The following COLGALT2 variants were observed in gnomAD, a reference collection of about 807,000 sequenced individuals.
COLGALT2 encodes the protein procollagen galactosyltransferase 2.
In COLGALT2, 49 loss-of-function variants were observed where a neutral mutation model predicts 73.4. That is an observed-to-expected ratio of 0.67 (90% CI 0.53 to 0.85). COLGALT2 has a LOEUF of 0.85. COLGALT2 is among the 40% of genes least tolerant of loss of function. COLGALT2 has a pLI of 0.00. For synonymous variants in COLGALT2, 295 were observed against 307.6 expected, an observed-to-expected ratio of 0.96 and a Z score of 0.43; for missense variants, 722 against 790.2, an observed-to-expected ratio of 0.91 and a Z score of 1.03.
chr1:184,024,587 G>A (rs1308902916), intron 1 of COLGALT2, among the ~76,000 whole-genome samples: 1 of 150,638 alleles, frequency 6.6e-6, no homozygotes, highest in African/African-American at 2.4e-5. Flanking sequence ...CTTGACCTTG[G>A]TGTTCTGCCT....
At chr1:183,947,064 A>G (rs910073910) in intron 8 of COLGALT2, among the ~76,000 whole-genome samples, 1 of 152,218 alleles carries the variant, frequency 6.6e-6, no homozygotes, top group Non-Finnish European at 1.5e-5. Context: ...GGAAGGCATA[A>G]CAATTATAAA....
In COLGALT2 at chr1:183,936,910, G is replaced by A; in HGVS notation, c.*1851C>T. The A allele has an allele frequency of 8.1e-7, 1 of 1,231,802 alleles. No homozygotes were observed. The highest frequency in any genetic ancestry group is 1.0e-6 in the Non-Finnish European group (1 of 988,012). The allele number at this position is 1,231,802 out of a possible 1,614,324, so 76.3% of individuals were successfully genotyped here. A position where few individuals can be genotyped will look rare whatever the true frequency, so the allele number is the denominator to read the frequency against. ...GAGGCTGGCGTCTGGTGGAAGGCAA[G>A]CTGCCTCTTGTCCTAAAGTGGGGAC... is the stretch of plus-strand genomic sequence containing the variant. On this transcript the variant is annotated 3_prime_UTR_variant, in exon 12 of 12. Coordinates refer to ENST00000361927, the MANE Select transcript of COLGALT2 (RefSeq NM_015101.4).
chr1:184,037,169 G>C lies in COLGALT2; in HGVS notation c.189C>G (p.Asn63Lys), dbSNP rs768438342. Reference sequence around the variant, plus strand: ...GGAAGTGCGGCAGCGTGTGCGCCGCGTTGCGGGCGAGGACCGCCACGAGCA... The same window carrying C: ...GGAAGTGCGGCAGCGTGTGCGCCGCCTTGCGGGCGAGGACCGCCACGAGCA... ...PTVLVAVLAR[N>K]AAHTLPHFLG... Residue 63 changes from asparagine to lysine, a missense_variant, in exon 1 of 12, where the codon AAC becomes AAG. Transcript: ENST00000361927. 1.2e-6 allele frequency: 2 copies of C among 1,603,698 alleles called. No homozygotes were observed. The highest frequency in any genetic ancestry group is 2.7e-5 in the African/African-American group (2 of 73,956).
chr1:184,004,888 G>A (rs894305430), intron 1 of COLGALT2, among the ~76,000 whole-genome samples: 6 of 152,104 alleles, frequency 3.9e-5, no homozygotes, highest in African/African-American at 1.4e-4. Context: ...TCGAGGGATC[G>A]GTGGTTTGTC....
intron 1 of COLGALT2, among the ~76,000 whole-genome samples, chr1:184,028,270 CT>C (rs1572687187): frequency 6.6e-6 from 1 of 152,332 alleles, no homozygotes. Context: ...CTAGAAAATT[CT>C]ACCTTTCCCA....
At position 183,971,049 on chromosome 1, in the gene COLGALT2, T is replaced by G. The variant is rs572026926; in HGVS notation, c.628-1576A>C. On this transcript the variant is annotated intron_variant, in intron 4 of 11. Coordinates refer to ENST00000361927, the MANE Select transcript of COLGALT2 (RefSeq NM_015101.4). ...GATGAATCACTGAATATCCTTGGGG[T>G]GGGGGTGAGAAGGAAGGAAGCAGGG... Among the ~76,000 whole-genome samples the G allele has an allele frequency of 7.8e-4, 119 of 151,998 alleles. 1 individual carries two copies. Among genetic ancestry groups the G allele is most frequent in the Admixed American group, 3.0e-3 (46 of 15,244 alleles).
chr1:183,994,005 C>T (rs1671700755), intron 1 of COLGALT2, among the ~76,000 whole-genome samples: 1 of 144,190 alleles, frequency 6.9e-6, no homozygotes, highest in African/African-American at 2.6e-5. Flanking sequence ...AAATAAGTCA[C>T]ACTCATTTTC....
chr1:183,995,045 C>T (rs1671734183), intron 1 of COLGALT2, among the ~76,000 whole-genome samples: 1 of 151,950 alleles, frequency 6.6e-6, no homozygotes, highest in African/African-American at 2.4e-5. Context: ...TCCACATTTG[C>T]ATTGTTGTAA....
chr1:184,020,034 G>C (rs1487080129), intron 1 of COLGALT2, among the ~76,000 whole-genome samples: 1 of 152,156 alleles, frequency 6.6e-6, no homozygotes, highest in Non-Finnish European at 1.5e-5. Flanking sequence ...CTGGTTTTTA[G>C]ACTTATTGGA....
intron 1 of COLGALT2, among the ~76,000 whole-genome samples, chr1:183,998,579 T>A (rs150346925): frequency 0.01 from 1,529 of 152,278 alleles, 28 homozygotes; most frequent in African/African-American, 0.035. Context: ...TTCTTTCAAA[T>A]AAATCTTATA....
At chr1:184,018,953 G>T (rs1649091305) in intron 1 of COLGALT2, among the ~76,000 whole-genome samples, 1 of 152,192 alleles carries the variant, frequency 6.6e-6, no homozygotes, top group Non-Finnish European at 1.5e-5. Context: ...AAGCAAACCA[G>T]ATTATAATTC....
At chr1:183,992,564 T>C (rs1224146351) in intron 1 of COLGALT2, among the ~76,000 whole-genome samples, 1 of 152,224 alleles carries the variant, frequency 6.6e-6, no homozygotes, top group Non-Finnish European at 1.5e-5. Context: ...TGGCACCTAA[T>C]GATGATTGAT....
At position 183,964,171 on chromosome 1, in the gene COLGALT2, A is replaced by C. The variant is rs555824654; in HGVS notation, c.833-151T>G. The stretch of plus-strand genomic sequence containing the variant: ...TCAGGTATGTCTATAGACCTAAAAA[A>C]TGCTCCTTTATTAAAAAAGTAAAAC... On this transcript the variant is annotated intron_variant, in intron 5 of 11. Coordinates refer to ENST00000361927, the MANE Select transcript of COLGALT2 (RefSeq NM_015101.4). 6.0e-6 allele frequency: 4 copies of C among 670,908 alleles called. No homozygotes were observed. The East Asian group carries it at 1.3e-4, about 21-fold the overall frequency. The allele number at this position is 670,908 out of a possible 1,614,324, so 41.6% of individuals were successfully genotyped here.
chr1:184,036,138 A>G (rs1572692310), intron 1 of COLGALT2, among the ~76,000 whole-genome samples: 1 of 152,228 alleles, frequency 6.6e-6, no homozygotes, highest in South Asian at 2.1e-4. Flanking sequence ...CCGAGTACCT[A>G]CCTGACAGCA....
downstream of COLGALT2, among the ~76,000 whole-genome samples, chr1:183,930,888 G>T (rs1669831395): frequency 6.6e-6 from 1 of 152,142 alleles, no homozygotes; most frequent in African/African-American, 2.4e-5. Context: ...AAACCCAACA[G>T]ATCAAATAGG....
chr1:183,960,056 T>C (rs1488526583), intron 6 of COLGALT2, among the ~76,000 whole-genome samples: 3 of 152,234 alleles, frequency 2.0e-5, no homozygotes, highest in Admixed American at 1.3e-4. Context: ...CTGCCTGTTT[T>C]GTTCACTGCT....
In COLGALT2 at chr1:183,937,390, C is replaced by A. The variant is rs965813417; in HGVS notation, c.*1371G>T. The A allele has an allele frequency of 7.0e-6, 7 of 995,644 alleles. No homozygotes were observed. The highest frequency in any genetic ancestry group is 7.2e-6 in the Non-Finnish European group (6 of 836,998). The allele number at this position is 995,644 out of a possible 1,614,324, so 61.7% of individuals were successfully genotyped here. On this transcript the variant is annotated 3_prime_UTR_variant, in exon 12 of 12. Transcript: ENST00000361927. ...GACAGATTGTGGAGTGGGAAGAAAT[C>A]GTGTAGTCCAACTCTGCATTTTACA...
chr1:183,997,595 A>G (rs1258923332), intron 1 of COLGALT2, among the ~76,000 whole-genome samples: 1 of 152,222 alleles, frequency 6.6e-6, no homozygotes, highest in Non-Finnish European at 1.5e-5. Flanking sequence ...AAACAACCTC[A>G]TAATGTTTCA....
rs1015278180 is a variant in COLGALT2 at position 183,936,248 on chromosome 1, A to G, written c.*2513T>C. On this transcript the variant is annotated 3_prime_UTR_variant, in exon 12 of 12. Transcript: ENST00000361927. ...AGGTCAAATGTCTTGGCTTAGGACT[A>G]TAAGGGAGAGATAGGACAAATAATG... is the stretch of plus-strand genomic sequence containing the variant. 1 of 985,706 alleles carries G rather than the reference A, an allele frequency of 1.0e-6. No homozygotes were observed. Among genetic ancestry groups the G allele is most frequent in the South Asian group, 4.7e-5 (1 of 21,286 alleles). 61.1% of individuals were successfully genotyped at this position (985,706 alleles called of 1,614,324 possible). A position where few individuals can be genotyped will look rare whatever the true frequency, so the allele number is the denominator to read the frequency against.
Sources: gnomAD v4.1 joint callset for allele counts (sites outside exome capture counted in the v4.1 genomes callset) on GRCh38, gnomAD v4.1.1 for gene constraint, MANE v1.5 for transcripts, NCBI Gene and HGNC (gene_info 2026-07-23, HGNC 2026-07-21) for gene names.